HDAC6: variants seen among roughly 807,000 people sequenced by gnomAD.
The protein encoded by HDAC6 is protein deacetylase HDAC6.
A neutral mutation model predicts 88.9 loss-of-function variants in HDAC6; 5 were observed. The observed-to-expected ratio is 0.06, with a 90% CI of 0.03 to 0.12. The LOEUF (loss-of-function observed/expected upper bound fraction) is 0.12. Among genes scored for constraint, HDAC6 ranks in the 10% least tolerant of loss-of-function variants. HDAC6 has a pLI of 1.00. For synonymous variants in HDAC6, 378 were observed against 398.0 expected, an observed-to-expected ratio of 0.95 and a Z score of 0.60; for missense variants, 706 against 1,014.4, an observed-to-expected ratio of 0.70 and a Z score of 4.13.
rs2062987787 is a variant in HDAC6 at position 48,816,487 on chromosome X, C to T, written c.1645C>T (p.Arg549Trp). The change falls in exon 19 of 29, where the codon CGG becomes TGG. Residue 549 changes from arginine (R) to tryptophan (W), a missense_variant. This residue lies in a region of HDAC6 where 138 missense variants were observed against 303.5 expected (regional missense o/e 0.45). Coordinates refer to ENST00000334136, the MANE Select transcript of HDAC6 (RefSeq NM_006044.4). ...CHSAEYVGHLRATEKMKTREL... is the reference protein window; with the variant it reads ...CHSAEYVGHLWATEKMKTREL... ...CAGTGCTGAGTACGTGGGTCATCTC[C>T]GGGCCACAGAGAAAATGAAAACCCG... The T allele has an allele frequency of 1.7e-6, 2 of 1,205,301 alleles. No homozygotes were observed. Among genetic ancestry groups the T allele is most frequent in the Non-Finnish European group, 2.2e-6 (2 of 892,027 alleles).
At chrX:48,802,056 G>T (rs782262355), upstream of HDAC6, 7 of 911,170 alleles carry the variant, frequency 7.7e-6, no homozygotes, top group African/African-American at 1.3e-4. Flanking sequence ...GTCTGGGCAG[G>T]GGGTGGAGCT....
chrX:48,824,567 C>A lies in HDAC6; in HGVS notation c.3603C>A (p.Ile1201=). The part of the protein sequence containing the change: ...HHQALLDVKN[I]AHQNKFGEDM... ...AGGCTCTCCTAGATGTGAAGAACAT[C>A]GCCCACCAGAACAAGTTTGGGGAGG... The change falls in exon 29 of 29, where the codon ATC becomes ATA. Residue 1201 remains isoleucine (I), a synonymous_variant. Transcript: ENST00000334136. 1.7e-6 allele frequency: 2 copies of A among 1,210,058 alleles called. No homozygotes were observed. Among genetic ancestry groups the A allele is most frequent in the Non-Finnish European group, 1.1e-6 (1 of 894,632 alleles).
At position 48,816,232 on chromosome X, in the gene HDAC6, C is replaced by T; in HGVS notation, c.1585C>T (p.Arg529Cys). 2 of 1,211,161 alleles carry T rather than the reference C, an allele frequency of 1.7e-6. No individual in the cohort carries two copies. Among genetic ancestry groups the T allele is most frequent in the African/African-American group, 1.7e-5 (1 of 57,891 alleles). ...CGGGCGCTGCCTCACCCTGACACCG[C>T]GCCCTGCCACAGAGGCTGAGCTGCT... ...LAGRCLTLTP[R>C]PATEAELLTC... Residue 529 changes from arginine (R) to cysteine (C), a missense_variant, in exon 18 of 29, where the codon CGC becomes TGC. Arg to Cys is a radical substitution (Grantham distance 180). Coordinates refer to ENST00000334136, the MANE Select transcript of HDAC6 (RefSeq NM_006044.4).
intron 13 of HDAC6, 32 bp downstream of exon 13, chrX:48,814,925 T>A: frequency 8.3e-7 from 1 of 1,209,126 alleles, no homozygotes; most frequent in Non-Finnish European, 1.1e-6. Context: ...GGCAGGTGGG[T>A]TGCATGGAGC....
In HDAC6 at chrX:48,818,439, G is replaced by A. The variant is rs782036567; in HGVS notation, c.2187+27G>A. On this transcript the variant is annotated intron_variant, in intron 22 of 28. Transcript: ENST00000334136. ...TACAGCTCAGGATAGATCGCAGGAC[G>A]TATGTGACACGCCTGTGCAGGTGGC... The A allele has an allele frequency of 4.5e-6, 5 of 1,116,861 alleles. No homozygotes were observed. The South Asian group carries it at 6.5e-5, about 15-fold the overall frequency. 92.0% of individuals were successfully genotyped at this position (1,116,861 alleles called of 1,213,427 possible).
chrX:48,806,149 C>A, intron 6 of HDAC6: 1 of 394,156 alleles, frequency 2.5e-6, no homozygotes, highest in African/African-American at 2.5e-5. Context: ...TGGCCAAAGG[C>A]CTGAAAGTAG....
At position 48,823,769 on chromosome X, in the gene HDAC6, G is replaced by A; in HGVS notation, c.3287G>A (p.Arg1096Lys). ...GATTCGATGCTGATGCAGGGATCTA[G>A]GGGCCTCACTGATCAGGTGAGCTCA... ...MADSMLMQGS[R>K]GLTDQAIFYA... Residue 1096 changes from arginine to lysine, a missense_variant, in exon 26 of 29, where the codon AGG (arginine) becomes AAG (lysine). Arg to Lys is a conservative substitution (Grantham distance 26, BLOSUM62 2). This residue lies in a region of HDAC6 where 112 missense variants were observed against 95.1 expected (regional missense o/e 1.18). Coordinates refer to ENST00000334136, the MANE Select transcript of HDAC6 (RefSeq NM_006044.4). The A allele has an allele frequency of 2.5e-6, 3 of 1,207,023 alleles. No individual in the cohort carries two copies. Among genetic ancestry groups the A allele is most frequent in the East Asian group, 5.9e-5 (2 of 33,813 alleles).
chrX:48,802,391 G>T, intron 1 of HDAC6: 1 of 877,138 alleles, frequency 1.1e-6, no homozygotes, highest in South Asian at 2.8e-5. Context: ...GTGTGAGCCC[G>T]GGGGCTCATT....
chrX:48,823,081 C>T lies in HDAC6; in HGVS notation c.2682C>T (p.Gly894=). The change falls in exon 25 of 29, where the codon GGC becomes GGT. Residue 894 remains glycine, a synonymous_variant. Coordinates refer to ENST00000334136, the MANE Select transcript of HDAC6 (RefSeq NM_006044.4). ...SASFGEESTP[G]QTNSETAVVA... is the part of the protein sequence containing the mutation. The stretch of plus-strand genomic sequence containing the variant: ...CATTTGGGGAAGAGTCCACTCCAGG[C>T]CAGACTAACTCAGAGACAGCTGTGG... 1 of 1,211,492 alleles carries T rather than the reference C, an allele frequency of 8.3e-7. No homozygotes were observed. The highest frequency in any genetic ancestry group is 1.1e-6 in the Non-Finnish European group (1 of 895,285).
chrX:48,805,666 T>C lies in HDAC6; in HGVS notation c.432T>C (p.Val144=), dbSNP rs143689285. The C allele has an allele frequency of 1.1e-3, 1,275 of 1,169,544 alleles. 7 individuals carry two copies. The African/African-American group carries it at 0.02, about 18-fold the overall frequency. ...RFAEKEELML[V]HSLEYIDLME... The stretch of plus-strand genomic sequence containing the variant: ...CTGAAAAGGAAGAGCTGATGTTGGT[T>C]CACAGGTGAAGGCTTGGGAGCCTTG... The change falls in exon 6 of 29, where the codon GTT becomes GTC. Residue 144 remains valine (V), a synonymous_variant. Transcript: ENST00000334136.
chrX:48,816,953 CAA>C (rs782535708), intron 19 of HDAC6: 3,178 of 207,488 alleles, frequency 0.015, no homozygotes, highest in Middle Eastern at 0.02. Flanking sequence ...GACCCTGTGT[CAA>C]AAAAAAAAAA....
Position 48,822,777 on chromosome X carries a change from G to T in HDAC6, c.2495G>T (p.Arg832Leu), listed in dbSNP as rs61735967. 2 of 1,201,162 alleles carry T rather than the reference G, an allele frequency of 1.7e-6. No individual in the cohort carries two copies. Among genetic ancestry groups the T allele is most frequent in the South Asian group, 3.6e-5 (2 of 55,908 alleles). The change falls in exon 24 of 29, where the codon CGC becomes CTC. Residue 832 changes from arginine (R) to leucine (L), a missense_variant. This residue lies in a region of HDAC6 where 138 missense variants were observed against 303.5 expected (regional missense o/e 0.45). Coordinates refer to ENST00000334136, the MANE Select transcript of HDAC6 (RefSeq NM_006044.4). The part of the protein sequence containing the change: ...ETIQVHRRYW[R>L]SLRVMKVEDR... The stretch of plus-strand genomic sequence containing the variant: ...ATCCAAGTCCATCGCAGATACTGGC[G>T]CAGCTTACGGGTCATGAGTGAGTGG...
chrX:48,822,502 C>A, intron 23 of HDAC6, 118 bp from the exon 24 acceptor site: 1 of 518,234 alleles, frequency 1.9e-6, no homozygotes, highest in Non-Finnish European at 3.1e-6. Flanking sequence ...CAGTACTCCC[C>A]CTCCCTCTCC....
chrX:48,824,670 C>T lies in HDAC6; in HGVS notation c.*58C>T. The T allele has an allele frequency of 8.4e-7, 1 of 1,187,291 alleles. No homozygotes were observed. On this transcript the variant is annotated 3_prime_UTR_variant, in exon 29 of 29. Coordinates refer to ENST00000334136, the MANE Select transcript of HDAC6 (RefSeq NM_006044.4). ...GGCCCACGATAGACCAGCTGTAGCT[C>T]ATTCCAGCCTGTACCTTGGATGAGG...
At position 48,823,242 on chromosome X, in the gene HDAC6, C is replaced by T. The variant is rs1172590329; in HGVS notation, c.2843C>T (p.Pro948Leu). 1.2e-5 allele frequency: 14 copies of T among 1,197,632 alleles called. No individual in the cohort carries two copies. The highest frequency in any genetic ancestry group is 6.8e-5 in the Admixed American group (3 of 44,419). ...TSEEAVGGAT[P>L]DQTTSEETVG... ...GAGGAGGCTGTCGGGGGAGCCACTC[C>T]GGACCAGACCACCTCAGAGGAGACT... is the stretch of plus-strand genomic sequence containing the variant. The change falls in exon 25 of 29, where the codon CCG becomes CTG. Residue 948 changes from proline to leucine, a missense_variant. Pro to Leu is a moderately conservative substitution (Grantham distance 98). Around this residue, in one of 9 missense-constraint regions of HDAC6, gnomAD observed 89 missense variants for 90.9 expected, o/e 0.98. Transcript: ENST00000334136.
intron 14 of HDAC6, 126 bp from the exon 15 acceptor site, chrX:48,815,258 T>C (rs1557027147): frequency 5.2e-6 from 3 of 572,997 alleles, no homozygotes; most frequent in Non-Finnish European, 5.9e-6. Flanking sequence ...GTGAATTCAG[T>C]GAGGCACCCT....
chrX:48,807,203 A>G (rs1028493146), intron 8 of HDAC6, among the ~76,000 whole-genome samples: 29 of 112,036 alleles, frequency 2.6e-4, no homozygotes, highest in Non-Finnish European at 5.3e-4. Context: ...CCATCTTTTC[A>G]CTTACACATC....
chrX:48,801,579 G>A (rs782111501), upstream of HDAC6: 3 of 214,417 alleles, frequency 1.4e-5, no homozygotes, highest in Non-Finnish European at 2.6e-5. Flanking sequence ...GCAAGAAAAA[G>A]CTTGCACCGC....
chrX:48,802,579 C>T (rs1455945596), intron 1 of HDAC6, 84 bp from the exon 2 acceptor site: 2 of 1,147,638 alleles, frequency 1.7e-6, no homozygotes, highest in Non-Finnish European at 1.2e-6. Flanking sequence ...ATAGAGGGGG[C>T]GGAGCCTGGA....
Sources: gnomAD v4.1 joint callset for allele counts (sites outside exome capture counted in the v4.1 genomes callset) on GRCh38, gnomAD v4.1.1 for gene constraint, gnomAD v4.1.1 regional missense constraint, MANE v1.5 for transcripts, NCBI Gene and HGNC (gene_info 2026-07-23, HGNC 2026-07-21) for gene names.